The following DIAPH3 variants were observed in gnomAD, a reference collection of about 807,000 sequenced individuals.
DIAPH3 encodes diaphanous related formin 3.
A neutral mutation model predicts 144.3 loss-of-function variants in DIAPH3; 117 were observed. That is an observed-to-expected ratio of 0.81 (90% CI 0.70 to 0.95). The LOEUF is 0.95. DIAPH3 is among the 40% of genes least tolerant of loss of function. The probability of loss-of-function intolerance (pLI) is 0.00; values close to 1 mark genes in which losing one functional copy is unlikely to be tolerated. For missense variants in DIAPH3, 1,421 were observed against 1,412.7 expected (o/e 1.01, Z -0.09); for synonymous variants, 519 against 488.9 (o/e 1.06, Z -0.81).
chr13:59,817,553 A>G (rs1032675963), intron 24 of DIAPH3, among the ~76,000 whole-genome samples: 1 of 151,898 alleles, frequency 6.6e-6, no homozygotes, highest in Non-Finnish European at 1.5e-5. Context: ...TTCTATATCC[A>G]TAGGGTAAAG....
intron 4 of DIAPH3, among the ~76,000 whole-genome samples, chr13:60,069,719 T>C (rs1308725641): frequency 6.6e-6 from 1 of 152,144 alleles, no homozygotes; most frequent in Non-Finnish European, 1.5e-5. Flanking sequence ...CCAGCACCAT[T>C]AATTAAATAG....
intron 24 of DIAPH3, among the ~76,000 whole-genome samples, chr13:59,815,316 A>G (rs1257307087): frequency 6.6e-6 from 1 of 152,148 alleles, no homozygotes; most frequent in Non-Finnish European, 1.5e-5. Context: ...TTACTTAGGA[A>G]TGCCTTCTGT....
intron 5 of DIAPH3, among the ~76,000 whole-genome samples, chr13:60,021,629 T>G (rs2054028901): frequency 7.0e-6 from 1 of 142,130 alleles, no homozygotes; most frequent in Non-Finnish European, 1.5e-5. Flanking sequence ...GGTTGCCCAC[T>G]GCACTCCAGC....
At chr13:59,954,504 C>G (rs1380203867) in intron 17 of DIAPH3, among the ~76,000 whole-genome samples, 1 of 152,092 alleles carries the variant, frequency 6.6e-6, no homozygotes, top group Non-Finnish European at 1.5e-5. Flanking sequence ...ATAACGGATA[C>G]CTCAGAGATA....
At chr13:60,098,849 A>G (rs1016008257) in intron 3 of DIAPH3, among the ~76,000 whole-genome samples, 5 of 152,170 alleles carry the variant, frequency 3.3e-5, no homozygotes, top group African/African-American at 1.2e-4. Context: ...CTCATTAAAT[A>G]TCTATTATAG....
chr13:59,844,520 A>G (rs1311564936), intron 22 of DIAPH3, among the ~76,000 whole-genome samples: 2 of 148,542 alleles, frequency 1.3e-5, no homozygotes, highest in Middle Eastern at 3.5e-3. Context: ...AAAAAAAAGG[A>G]AAAAACAAAA....
intron 25 of DIAPH3, among the ~76,000 whole-genome samples, chr13:59,808,215 A>C (rs1291022236): frequency 6.6e-6 from 1 of 151,778 alleles, no homozygotes; most frequent in Non-Finnish European, 1.5e-5. Context: ...TAGAAATAAA[A>C]AAGCCACATT....
intron 20 of DIAPH3, among the ~76,000 whole-genome samples, chr13:59,891,248 A>G (rs2045776025): frequency 6.6e-6 from 1 of 152,076 alleles, no homozygotes; most frequent in Admixed American, 6.6e-5. Context: ...CTTTTTGCTT[A>G]TAACTACAAA....
At position 59,950,347 on chromosome 13, in the gene DIAPH3, CAT is replaced by C. The variant is rs111510532; in HGVS notation, c.2074+19595_2074+19596del. Among the ~76,000 whole-genome samples the C allele has an allele frequency of 2.0e-4, 31 of 152,210 alleles. 1 individual carries two copies. The highest frequency in any genetic ancestry group is 2.5e-4 in the Non-Finnish European group (17 of 68,012). On this transcript the variant is annotated intron_variant, in intron 17 of 27. Transcript: ENST00000400324. ...TGTTTCCCCAAACACCCCAGCAGCA[CAT>C]GTTTCAGTGCCTTTGTTCACACTCT...
Position 59,761,228 on chromosome 13 carries a change from T to C in DIAPH3, c.3319+12961A>G, listed in dbSNP as rs1181599170. Among the ~76,000 whole-genome samples the C allele has an allele frequency of 2.0e-5, 3 of 152,284 alleles. No homozygotes were observed. The East Asian group carries it at 5.8e-4, about 29-fold the overall frequency. On this transcript the variant is annotated intron_variant, in intron 27 of 27. Coordinates refer to ENST00000400324, the MANE Select transcript of DIAPH3 (RefSeq NM_001042517.2). ...CCCCTCCAAACCACAGTTCCAGCTA[T>C]GCTAACTACATCCCTGGCTTTCATG... is the stretch of plus-strand genomic sequence containing the variant.
intron 22 of DIAPH3, among the ~76,000 whole-genome samples, chr13:59,842,779 G>C (rs2042419857): frequency 6.6e-6 from 1 of 152,072 alleles, no homozygotes; most frequent in Admixed American, 6.6e-5. Flanking sequence ...TATTATGAAG[G>C]ACACAACCCA....
chr13:59,685,472 C>T (rs1490758932), intron 27 of DIAPH3, among the ~76,000 whole-genome samples: 1 of 152,136 alleles, frequency 6.6e-6, no homozygotes, highest in Non-Finnish European at 1.5e-5. Context: ...TATGTGGACA[C>T]ATTAGCGCAC....
intron 20 of DIAPH3, among the ~76,000 whole-genome samples, chr13:59,900,249 C>A (rs1379504260): frequency 1.3e-5 from 2 of 152,126 alleles, no homozygotes; most frequent in African/African-American, 4.8e-5. Flanking sequence ...TATCTTAGTT[C>A]ATAATACAGG....
chr13:60,026,443 T>A (rs2054379202), intron 5 of DIAPH3, among the ~76,000 whole-genome samples: 1 of 152,196 alleles, frequency 6.6e-6, no homozygotes, highest in South Asian at 2.1e-4. Flanking sequence ...GCATTCAGAT[T>A]GCTCTGCCAG....
At chr13:60,084,025 G>T (rs2057665961) in intron 4 of DIAPH3, among the ~76,000 whole-genome samples, 1 of 151,596 alleles carries the variant, frequency 6.6e-6, no homozygotes, top group Non-Finnish European at 1.5e-5. Flanking sequence ...TAGATAGATA[G>T]ATAGATAGAT....
chr13:59,714,845 G>A (rs2034968134), intron 27 of DIAPH3, among the ~76,000 whole-genome samples: 1 of 152,084 alleles, frequency 6.6e-6, no homozygotes, highest in East Asian at 1.9e-4. Context: ...TCATTTTCTA[G>A]TGTGAATCAT....
At chr13:59,864,122 T>G (rs2043771349) in intron 21 of DIAPH3, among the ~76,000 whole-genome samples, 1 of 152,116 alleles carries the variant, frequency 6.6e-6, no homozygotes, top group Non-Finnish European at 1.5e-5. Context: ...TTGGGTCAGT[T>G]GGAATCATTC....
intron 21 of DIAPH3, among the ~76,000 whole-genome samples, chr13:59,874,853 T>G (rs2044511928): frequency 6.6e-6 from 1 of 152,230 alleles, no homozygotes; most frequent in South Asian, 2.1e-4. Flanking sequence ...ATCATCCTGT[T>G]GTATTGATCA....
intron 27 of DIAPH3, among the ~76,000 whole-genome samples, chr13:59,732,725 A>G (rs1164011600): frequency 6.6e-6 from 1 of 152,114 alleles, no homozygotes; most frequent in African/African-American, 2.4e-5. Context: ...TTATGGGATT[A>G]CGGGTGTGAG....
Sources: gnomAD v4.1 joint callset for allele counts (sites outside exome capture counted in the v4.1 genomes callset) on GRCh38, gnomAD v4.1.1 for gene constraint, MANE v1.5 for transcripts, NCBI Gene and HGNC (gene_info 2026-07-23, HGNC 2026-07-21) for gene names.